Variants in SMC5 observed in about 807,000 individuals in gnomAD.
SMC5 encodes structural maintenance of chromosomes protein 5.
A neutral mutation model predicts 148.3 loss-of-function variants in SMC5; 88 were observed. The ratio of observed to expected loss-of-function variants is 0.59; its 90% CI spans 0.50 to 0.71. The LOEUF is 0.71. Among genes scored for constraint, SMC5 ranks in the 30% least tolerant of loss-of-function variants. The probability of loss-of-function intolerance (pLI) is 0.00; values close to 1 mark genes in which losing one functional copy is unlikely to be tolerated. For synonymous variants in SMC5, 421 were observed against 432.8 expected (o/e 0.97, Z 0.34); for missense variants, 1,142 against 1,298.9 (o/e 0.88, Z 1.86).
Position 70,353,662 on chromosome 9 carries a change from C to T in SMC5, c.*1331C>T, listed in dbSNP as rs1766267168. 6.6e-6 allele frequency: 1 copy of T among 152,092 alleles called. No individual in the cohort carries two copies. The highest frequency in any genetic ancestry group is 1.9e-4 in the East Asian group (1 of 5,194). The allele number at this position is 152,092 out of a possible 1,614,324, so 9.4% of individuals were successfully genotyped here. On this transcript the variant is annotated 3_prime_UTR_variant, in exon 25 of 25. Transcript: ENST00000361138. ...AAATAATGAGCCATAAGTTTATGTC[C>T]TCTCACTTAGACATTTTCTCTTTAA... is the stretch of plus-strand genomic sequence containing the variant.
At chr9:70,290,429 G>C (rs774131261) in intron 8 of SMC5, among the ~76,000 whole-genome samples, 1 of 151,760 alleles carries the variant, frequency 6.6e-6, no homozygotes. Flanking sequence ...AAATTCCAAG[G>C]GTTTTAAGAA....
intron 3 of SMC5, among the ~76,000 whole-genome samples, chr9:70,272,341 C>T (rs1297046062): frequency 1.3e-5 from 2 of 152,128 alleles, no homozygotes; most frequent in Non-Finnish European, 2.9e-5. Flanking sequence ...ATGTGCATCC[C>T]AGTTTCAGAG....
chr9:70,281,783 A>G (rs2034756384), intron 6 of SMC5, among the ~76,000 whole-genome samples: 2 of 151,892 alleles, frequency 1.3e-5, no homozygotes, highest in Non-Finnish European at 2.9e-5. Context: ...TGTGTCCATT[A>G]TTACTGCTTC....
chr9:70,277,353 G>C lies in SMC5; in HGVS notation c.424G>C (p.Val142Leu). 5 of 1,601,324 alleles carry C rather than the reference G, an allele frequency of 3.1e-6. No individual in the cohort carries two copies. Among genetic ancestry groups the C allele is most frequent in the Non-Finnish European group, 3.4e-6 (4 of 1,173,886 alleles). ...TCTTGTAATCACCCGTGAGATTGAT[G>C]TGGCAAAAAATCAGTCCTTTTGGTT... ...GNLVITREID[V>L]AKNQSFWFIN... Residue 142 changes from valine to leucine, a missense_variant, in exon 4 of 25, where the codon GTG becomes CTG. Around this residue, in one of 5 missense-constraint regions of SMC5, gnomAD observed 297 missense variants for 302.6 expected, o/e 0.98. Coordinates refer to ENST00000361138, the MANE Select transcript of SMC5 (RefSeq NM_015110.4).
intron 2 of SMC5, 61 bp downstream of exon 2, chr9:70,264,506 C>A: frequency 6.5e-7 from 1 of 1,546,210 alleles, no homozygotes. Context: ...TTAGTAACAT[C>A]AATTTCTACA....
intron 1 of SMC5, among the ~76,000 whole-genome samples, chr9:70,263,389 A>T (rs1434388885): frequency 6.6e-6 from 1 of 152,154 alleles, no homozygotes; most frequent in Non-Finnish European, 1.5e-5. Flanking sequence ...AATTTCTTAA[A>T]ATATTAATGT....
intron 11 of SMC5, among the ~76,000 whole-genome samples, chr9:70,313,531 CTT>C (rs1463720610): frequency 2.6e-5 from 4 of 151,866 alleles, no homozygotes; most frequent in Admixed American, 1.3e-4. Context: ...CAGTTTCGCT[CTT>C]GTCACCCAGG....
chr9:70,308,590 C>CAAAAAAAA (rs59441324), intron 11 of SMC5, among the ~76,000 whole-genome samples: 1 of 72,238 alleles, frequency 1.4e-5, no homozygotes, highest in Non-Finnish European at 2.6e-5. Flanking sequence ...GACTCTGTCT[C>CAAAAAAAA]AAAAAAAAAA....
At chr9:70,309,218 C>A (rs2035589909) in intron 11 of SMC5, among the ~76,000 whole-genome samples, 1 of 146,888 alleles carries the variant, frequency 6.8e-6, no homozygotes, top group African/African-American at 2.5e-5. Context: ...AAGAAGACAA[C>A]AATAAAATTT....
intron 17 of SMC5, among the ~76,000 whole-genome samples, chr9:70,327,748 A>G (rs889400550): frequency 6.6e-6 from 1 of 152,218 alleles, no homozygotes; most frequent in Non-Finnish European, 1.5e-5. Context: ...ACAAAAAGAT[A>G]GCCAGATATT....
chr9:70,285,512 ATTGT>A (rs974476641), intron 7 of SMC5, among the ~76,000 whole-genome samples: 42 of 152,236 alleles, frequency 2.8e-4, no homozygotes, highest in African/African-American at 9.9e-4. Context: ...CATCAGCCAC[ATTGT>A]TTGTACAAAC....
chr9:70,344,263 C>A lies in SMC5; in HGVS notation c.2517C>A (p.Tyr839Ter). ...LGAEQTLPQE[Y>*]QTQVPTIPNG... ...CAGAGCAGACTCTTCCTCAAGAATACCAGACAGTAAGTATAAAAAGTATAT... is the reference window on the plus strand; with the variant it reads ...CAGAGCAGACTCTTCCTCAAGAATAACAGACAGTAAGTATAAAAAGTATAT... Residue 839 changes from tyrosine to a stop codon, truncating the protein, a stop_gained, in exon 18 of 25, where the codon TAC becomes TAA. Transcript: ENST00000361138. LOFTEE classifies it high-confidence loss of function. 1 of 1,450,988 alleles carries A rather than the reference C, an allele frequency of 6.9e-7. No individual in the cohort carries two copies. The allele number at this position is 1,450,988 out of a possible 1,614,324, so 89.9% of individuals were successfully genotyped here. A position where few individuals can be genotyped will look rare whatever the true frequency, so the allele number is the denominator to read the frequency against.
intron 10 of SMC5, among the ~76,000 whole-genome samples, chr9:70,301,420 A>T (rs1420256890): frequency 6.6e-6 from 1 of 152,140 alleles, no homozygotes; most frequent in Non-Finnish European, 1.5e-5. Flanking sequence ...TTTCAGACTA[A>T]CCTTTCACCT....
intron 15 of SMC5, among the ~76,000 whole-genome samples, chr9:70,322,184 T>C (rs2035965156): frequency 7.6e-6 from 1 of 132,286 alleles, no homozygotes; most frequent in African/African-American, 2.5e-5. Context: ...AAGATATATC[T>C]ATTTAGTCTA....
chr9:70,295,193 C>T (rs1439405192), intron 8 of SMC5, among the ~76,000 whole-genome samples: 4 of 151,978 alleles, frequency 2.6e-5, no homozygotes, highest in East Asian at 3.9e-4. Context: ...AGGCGGGGCG[C>T]GGTGGCTCAC....
intron 24 of SMC5, among the ~76,000 whole-genome samples, chr9:70,351,135 T>G (rs2036793537): frequency 6.6e-6 from 1 of 152,066 alleles, no homozygotes; most frequent in South Asian, 2.1e-4. Flanking sequence ...GTGGATCACT[T>G]GAGCCCAGGA....
chr9:70,329,428 C>G (rs1393451186), intron 17 of SMC5, among the ~76,000 whole-genome samples: 1 of 152,210 alleles, frequency 6.6e-6, no homozygotes, highest in Non-Finnish European at 1.5e-5. Context: ...CCTAAATCGT[C>G]TCTCTCAAGT....
intron 3 of SMC5, 128 bp downstream of exon 3, chr9:70,268,103 G>T: frequency 1.4e-6 from 1 of 691,182 alleles, no homozygotes; most frequent in South Asian, 2.6e-5. Context: ...AATATTTAAA[G>T]AATACTTAAT....
intron 11 of SMC5, chr9:70,312,137 A>C (rs998721265): frequency 2.0e-5 from 3 of 153,710 alleles, no homozygotes; most frequent in Non-Finnish European, 2.9e-5. Context: ...AAAAAAAAAA[A>C]AAAAAAAAAA....
Sources: gnomAD v4.1 joint callset for allele counts (sites outside exome capture counted in the v4.1 genomes callset) on GRCh38, gnomAD v4.1.1 for gene constraint, gnomAD v4.1.1 regional missense constraint, MANE v1.5 for transcripts, NCBI Gene and HGNC (gene_info 2026-07-23, HGNC 2026-07-21) for gene names.